The following PIDD1 variants were observed in gnomAD, a reference collection of about 807,000 sequenced individuals.
The protein encoded by PIDD1 is p53-induced death domain-containing protein 1.
Under a neutral mutation model 80.0 loss-of-function variants are expected in PIDD1, and 72 were observed. The ratio of observed to expected loss-of-function variants is 0.90; its 90% CI spans 0.74 to 1.09. The LOEUF (loss-of-function observed/expected upper bound fraction) is 1.09. Ranked by LOEUF, PIDD1 falls within the 50% of genes least tolerant of loss-of-function variation. The probability of loss-of-function intolerance (pLI) is 0.00; values close to 1 mark genes in which losing one functional copy is unlikely to be tolerated. For missense variants in PIDD1, 1,329 were observed against 1,228.3 expected (o/e 1.08, Z -1.23); for synonymous variants, 655 against 543.5 (o/e 1.21, Z -2.85).
At chr11:802,511 C>A (rs1018347744) in intron 5 of PIDD1, 32 bp downstream of exon 5, 1 of 1,610,732 alleles carries the variant, frequency 6.2e-7, no homozygotes, top group East Asian at 2.2e-5. Flanking sequence ...GGCAGACAGA[C>A]TCCCCTCCAG....
chr11:799,636 G>GAGGCA, intron 15 of PIDD1, 71 bp from the exon 16 acceptor site: 1 of 1,475,570 alleles, frequency 6.8e-7, no homozygotes, highest in Non-Finnish European at 9.0e-7. Flanking sequence ...ACTCTGCCTC[G>GAGGCA]GAGTGTGGGG....
At position 801,353 on chromosome 11, in the gene PIDD1, C is replaced by T. The variant is rs753230011; in HGVS notation, c.1495G>A (p.Ala499Thr). The T allele has an allele frequency of 1.9e-6, 3 of 1,609,104 alleles. No individual in the cohort carries two copies. Among genetic ancestry groups the T allele is most frequent in the East Asian group, 2.2e-5 (1 of 44,838 alleles). Residue 499 changes from alanine to threonine, a missense_variant, in exon 9 of 16, where the codon GCT becomes ACT. Ala to Thr is a moderately conservative substitution (Grantham distance 58, BLOSUM62 0). Transcript: ENST00000347755. Reference protein sequence around the residue: ...RRVSMQVVRMAGRELQALLGE... With the variant: ...RRVSMQVVRMTGRELQALLGE... ...AGGAGGGCCTGCAGCTCTCGGCCAG[C>T]CATGCGCACCACCTGGGGCAGACAG...
chr11:805,601 C>T (rs1865730779), upstream of PIDD1: 3 of 984,706 alleles, frequency 3.0e-6, no homozygotes, highest in Non-Finnish European at 3.6e-6. Flanking sequence ...ACTCTTGCCG[C>T]TGCCCCGCAC....
upstream of PIDD1, among the ~76,000 whole-genome samples, chr11:808,356 G>C (rs1031458133): frequency 1.3e-5 from 2 of 152,044 alleles, no homozygotes; most frequent in African/African-American, 4.8e-5. Flanking sequence ...GAACCCAGGA[G>C]GCAGAGGTTG....
In PIDD1 at chr11:802,205, G is replaced by T. The variant is rs1865409478; in HGVS notation, c.1166C>A (p.Ala389Asp). ...HVLELQPHGV[A>D]FQQDVGLWLL... Reference sequence around the variant, plus strand: ...ACGCCCTGTCCATGCCTGCTGGAAGGCCACCCCATGGGGCTGCAGCTCCAG... The same window carrying T: ...ACGCCCTGTCCATGCCTGCTGGAAGTCCACCCCATGGGGCTGCAGCTCCAG... The change falls in exon 6 of 16, where the codon GCC becomes GAC. Residue 389 changes from alanine (A) to aspartate (D), a missense_variant. Transcript: ENST00000347755. The T allele has an allele frequency of 1.3e-5, 21 of 1,605,422 alleles. No homozygotes were observed. Among genetic ancestry groups the T allele is most frequent in the Non-Finnish European group, 1.8e-5 (21 of 1,176,750 alleles).
chr11:803,860 C>A, intron 2 of PIDD1: 1 of 623,658 alleles, frequency 1.6e-6, no homozygotes, highest in Non-Finnish European at 2.8e-6. Context: ...GAGACCCCCA[C>A]TGGGCAGCGT....
At chr11:809,456 AG>A (rs1865940723), upstream of PIDD1, 1 of 152,248 alleles carries the variant, frequency 6.6e-6, no homozygotes, top group Non-Finnish European at 1.5e-5. Context: ...CGCCGCGGCC[AG>A]GGAACCACCA....
chr11:800,275 C>T (rs775871381), intron 13 of PIDD1, 31 bp from the exon 14 acceptor site: 18 of 1,611,614 alleles, frequency 1.1e-5, no homozygotes, highest in South Asian at 2.2e-5. Context: ...GTTCGGAGTT[C>T]GGTCCTCTGC....
chr11:803,062 C>T (rs1463273990), intron 3 of PIDD1, 112 bp downstream of exon 3: 2 of 985,348 alleles, frequency 2.0e-6, no homozygotes, highest in Non-Finnish European at 3.0e-6. Flanking sequence ...GGAGGGACAA[C>T]CAAGAGGCAG....
upstream of PIDD1, chr11:805,683 C>A: frequency 1.0e-6 from 1 of 985,548 alleles, no homozygotes. Context: ...CTCCGGGAAG[C>A]CTGCCAGGAC....
upstream of PIDD1, among the ~76,000 whole-genome samples, chr11:806,687 G>A (rs1403633846): frequency 6.6e-6 from 1 of 151,766 alleles, no homozygotes; most frequent in African/African-American, 2.4e-5. Flanking sequence ...GGTTCACACC[G>A]TTCTCCTGCC....
rs780714566 is a variant in PIDD1, at chr11:802,091, C to T, written c.1177-1G>A. 2 of 1,576,556 alleles carry T rather than the reference C, an allele frequency of 1.3e-6. No individual in the cohort carries two copies. Among genetic ancestry groups the T allele is most frequent in the Non-Finnish European group, 1.7e-6 (2 of 1,161,712 alleles). On this transcript the variant is annotated splice_acceptor_variant, in intron 6 of 15. Transcript: ENST00000347755. LOFTEE classifies it high-confidence loss of function. The stretch of plus-strand genomic sequence containing the variant: ...TGAAGAGCAGCCACAGCCCCACATC[C>T]TGCCAGACAAGGATGGTGTGAGCAC...
intron 3 of PIDD1, 75 bp downstream of exon 3, chr11:803,099 G>A (rs370559245): frequency 3.4e-5 from 39 of 1,155,536 alleles, no homozygotes; most frequent in Middle Eastern, 2.7e-4. Context: ...TGGGTGCAGA[G>A]GCCCCTGCAG....
At chr11:801,801 T>A in intron 7 of PIDD1, 164 bp downstream of exon 7, 1 of 988,852 alleles carries the variant, frequency 1.0e-6, no homozygotes, top group Non-Finnish European at 1.5e-6. Context: ...GGAAGCAGGA[T>A]CCAGGAGGGA....
rs61751729 is a variant in PIDD1, at chr11:800,212, C to A, written c.2193G>T (p.Arg731=). ...VSFYRGAVPV[R]VPEEAEAARQ... is the part of the protein sequence containing the mutation. ...GGGCAGCCTCAGCCTCCTCGGGCAC[C>A]CGCACAGGCACCGCGCCACGGTAGA... Residue 731 remains arginine, a synonymous_variant, in exon 14 of 16, where the codon CGG becomes CGT. Coordinates refer to ENST00000347755, the MANE Select transcript of PIDD1 (RefSeq NM_145886.4). The A allele has an allele frequency of 8.0e-3, 12,937 of 1,610,322 alleles. 69 individuals carry two copies. The highest frequency in any genetic ancestry group is 0.015 in the African/African-American group (1,113 of 75,042).
In PIDD1 at chr11:802,874, G is replaced by C. The variant is rs752882773; in HGVS notation, c.727C>G (p.Arg243Gly). 1.3e-6 allele frequency: 2 copies of C among 1,571,684 alleles called. No homozygotes were observed. Among genetic ancestry groups the C allele is most frequent in the South Asian group, 2.3e-5 (2 of 86,188 alleles). ...PASLAGLRSL[R>G]LLVLHSNLLA... is the part of the protein sequence containing the mutation. ...AGGTTGCTGTGCAGGACAAGGAGCCGCAAGGACCGAAGTCCCGCTGCGGGC... is the reference window on the plus strand; with the variant it reads ...AGGTTGCTGTGCAGGACAAGGAGCCCCAAGGACCGAAGTCCCGCTGCGGGC... Residue 243 changes from arginine to glycine, a missense_variant, in exon 4 of 16, where the codon CGG (arginine) becomes GGG (glycine). Coordinates refer to ENST00000347755, the MANE Select transcript of PIDD1 (RefSeq NM_145886.4).
In PIDD1 at chr11:802,662, CCTT is replaced by C. The variant is rs1475727616; in HGVS notation, c.919+17_919+19del. On this transcript the variant is annotated intron_variant, in intron 4 of 15. Transcript: ENST00000347755. ...ACTCATGTCCTATCCCAGGTCTGCC[CCTT>C]CTAGCACCAAGCCTACCTGGTGAAC... The C allele has an allele frequency of 2.4e-5, 38 of 1,607,246 alleles. No individual in the cohort carries two copies. Among genetic ancestry groups the C allele is most frequent in the Non-Finnish European group, 3.1e-5 (36 of 1,176,446 alleles).
At chr11:807,283 C>G (rs1378689210), upstream of PIDD1, among the ~76,000 whole-genome samples, 5 of 147,550 alleles carry the variant, frequency 3.4e-5, no homozygotes, top group Non-Finnish European at 5.9e-5. Context: ...GTCAGGAGAT[C>G]GAGACCATCC....
At chr11:806,744 G>A (rs1373830148), upstream of PIDD1, among the ~76,000 whole-genome samples, 1 of 151,750 alleles carries the variant, frequency 6.6e-6, no homozygotes, top group African/African-American at 2.4e-5. Flanking sequence ...CACCACGCCC[G>A]GCTAATTTTT....
Sources: gnomAD v4.1 joint callset for allele counts (sites outside exome capture counted in the v4.1 genomes callset) on GRCh38, gnomAD v4.1.1 for gene constraint, MANE v1.5 for transcripts, NCBI Gene and HGNC (gene_info 2026-07-23, HGNC 2026-07-21) for gene names.